CCN2: variants seen among roughly 807,000 people sequenced by gnomAD.
The protein encoded by CCN2 is cellular communication network factor 2.
Under a neutral mutation model 33.2 loss-of-function variants are expected in CCN2, and 22 were observed. The ratio of observed to expected loss-of-function variants is 0.66; its 90% CI spans 0.47 to 0.95. The LOEUF (loss-of-function observed/expected upper bound fraction) is 0.95, where lower values mean the gene tolerates loss of function less well. Ranked by LOEUF, CCN2 falls within the 40% of genes least tolerant of loss-of-function variation. The probability of loss-of-function intolerance (pLI) is 0.00; values close to 1 mark genes in which losing one functional copy is unlikely to be tolerated. For missense variants in CCN2, 469 were observed against 498.8 expected (o/e 0.94, Z 0.57); for synonymous variants, 178 against 200.6 (o/e 0.89, Z 0.95).
chr6:131,949,915 T>C (rs1473869057), intron 4 of CCN2, 34 bp downstream of exon 4: 1 of 1,601,500 alleles, frequency 6.2e-7, no homozygotes, highest in South Asian at 1.1e-5. Context: ...CTGTTTTTCC[T>C]GTGAAAAATA....
At chr6:131,949,589 A>T in intron 4 of CCN2, 29 bp from the exon 5 acceptor site, 99 of 229,284 alleles carry the variant, frequency 4.3e-4, no homozygotes, top group East Asian at 1.7e-3. Flanking sequence ...AAGAGAGAGG[A>T]AAAAAAAAAA....
Position 131,950,224 on chromosome 6 carries a change from T to C in CCN2, c.542-64A>G, listed in dbSNP as rs1302815696. The stretch of plus-strand genomic sequence containing the variant: ...TGGATAAGGTATTTCCCCCGTTCGG[T>C]CGGCACAGTTAGGACTCCCTCCCTG... On this transcript the variant is annotated intron_variant, in intron 3 of 4. Transcript: ENST00000367976. The surrounding 1 kb of genome is among the most constrained non-coding windows in gnomAD (Gnocchi z 7.1). The C allele has an allele frequency of 9.3e-6, 15 of 1,610,938 alleles. No individual in the cohort carries two copies. The highest frequency in any genetic ancestry group is 1.6e-4 in the Middle Eastern group (1 of 6,070).
chr6:131,949,051 T>C lies in CCN2; in HGVS notation c.*213A>G. 1 of 584,114 alleles carries C rather than the reference T, an allele frequency of 1.7e-6. No individual in the cohort carries two copies. The highest frequency in any genetic ancestry group is 3.1e-6 in the Non-Finnish European group (1 of 327,386). 36.2% of individuals were successfully genotyped at this position (584,114 alleles called of 1,614,324 possible). A position where few individuals can be genotyped will look rare whatever the true frequency, so the allele number is the denominator to read the frequency against. On this transcript the variant is annotated 3_prime_UTR_variant, in exon 5 of 5. Transcript: ENST00000367976. ...GTGCTGTGTACTAATGTAGTTCCAC[T>C]GTCAAGTCTTAACATTCTTCAAACC...
Position 131,949,278 on chromosome 6 carries a change from C to G in CCN2, c.1036G>C (p.Gly346Arg), listed in dbSNP as rs866211072. ...FESLYYRKMY[G>R]DMA The stretch of plus-strand genomic sequence containing the variant: ...ACTCTCTGGCTTCATGCCATGTCTC[C>G]GTACATCTTCCTGTAGTACAGCGAT... The change falls in exon 5 of 5, where the codon GGA becomes CGA. Residue 346 changes from glycine to arginine, a missense_variant. Transcript: ENST00000367976. 1 of 1,613,816 alleles carries G rather than the reference C, an allele frequency of 6.2e-7. No individual in the cohort carries two copies.
upstream of CCN2, chr6:131,951,372 TG>T: frequency 2.4e-6 from 1 of 420,760 alleles, no homozygotes; most frequent in South Asian, 1.2e-4. Flanking sequence ...AGTTGTTGTG[TG>T]AGTTTGGGGC....
rs1783061741 is a variant in CCN2 at position 131,949,187 on chromosome 6, ATCATTTTTACGGAAAAATGAGATGT to A, written c.*52_*76del. 2 of 1,307,130 alleles carry A rather than the reference ATCATTTTTACGGAAAAATGAGATGT, an allele frequency of 1.5e-6. No individual in the cohort carries two copies. Among genetic ancestry groups the A allele is most frequent in the Non-Finnish European group, 1.1e-6 (1 of 917,414 alleles). The allele number at this position is 1,307,130 out of a possible 1,614,324, so 81.0% of individuals were successfully genotyped here. Reference sequence around the variant, plus strand: ...GATTTAAATAACTTGTGCTACTGAAATCATTTTTACGGAAAAATGAGATGTGAATCAGTTCAAGTTCCAGTCTAAT... The same window carrying A: ...GATTTAAATAACTTGTGCTACTGAAAGAATCAGTTCAAGTTCCAGTCTAAT... On this transcript the variant is annotated 3_prime_UTR_variant, in exon 5 of 5. Coordinates refer to ENST00000367976, the MANE Select transcript of CCN2 (RefSeq NM_001901.4).
rs1783094703 is a variant in CCN2, at chr6:131,950,771, G to C, written c.288C>G (p.Thr96=). ...SPANRKIGVC[T]AKDGAPCIFG... ...AGCGGTGGGGGCTGCGGGTCTTACC[G>C]GTGCACACGCCGATCTTGCGGTTGG... Residue 96 remains threonine (T), a splice_region_variant and synonymous_variant, in exon 2 of 5, where the codon ACC becomes ACG. Coordinates refer to ENST00000367976, the MANE Select transcript of CCN2 (RefSeq NM_001901.4). The surrounding 1 kb of genome is among the most constrained non-coding windows in gnomAD (Gnocchi z 7.1). 4.5e-6 allele frequency: 7 copies of C among 1,541,692 alleles called. No homozygotes were observed. Among genetic ancestry groups the C allele is most frequent in the East Asian group, 2.4e-5 (1 of 41,750 alleles).
Position 131,951,322 on chromosome 6 carries a change from A to C in CCN2, c.-150T>G, listed in dbSNP as rs896719539. 2.9e-5 allele frequency: 17 copies of C among 578,290 alleles called. No individual in the cohort carries two copies. The highest frequency in any genetic ancestry group is 5.9e-5 in the African/African-American group (3 of 50,820). 35.8% of individuals were successfully genotyped at this position (578,290 alleles called of 1,614,324 possible). ...GCCGGGGCGGCTGCCGTCGAGCTGG[A>C]GGGTGGAGTCGCACTGGCTGTCTCC... On this transcript the variant is annotated 5_prime_UTR_variant, in exon 1 of 5. Transcript: ENST00000367976.
Position 131,949,244 on chromosome 6 carries a change from A to G in CCN2, c.*20T>C. On this transcript the variant is annotated 3_prime_UTR_variant, in exon 5 of 5. Coordinates refer to ENST00000367976, the MANE Select transcript of CCN2 (RefSeq NM_001901.4). ...GTTCAAGTTCCAGTCTAATGAGTTA[A>G]TGTCTCTCACTCTCTGGCTTCATGC... 6.2e-7 allele frequency: 1 copy of G among 1,601,856 alleles called. No individual in the cohort carries two copies. Among genetic ancestry groups the G allele is most frequent in the Non-Finnish European group, 8.6e-7 (1 of 1,169,522 alleles).
rs751421111 is a variant in CCN2, at chr6:131,950,035, T to G, written c.667A>C (p.Asn223His). 2 of 1,614,180 alleles carry G rather than the reference T, an allele frequency of 1.2e-6. No homozygotes were observed. The highest frequency in any genetic ancestry group is 1.7e-6 in the Non-Finnish European group (2 of 1,180,032). ...CGMGISTRVT[N>H]DNASCRLEKQ... is the part of the protein sequence containing the mutation. ...TCTAGCCTGCAGGAGGCGTTGTCAT[T>G]GGTAACCCGGGTGGAGATGCCCATC... Residue 223 changes from asparagine to histidine, a missense_variant, in exon 4 of 5, where the codon AAT (asparagine) becomes CAT (histidine). Physicochemically the swap from Asn to His is moderately conservative, Grantham distance 68. Coordinates refer to ENST00000367976, the MANE Select transcript of CCN2 (RefSeq NM_001901.4). The surrounding 1 kb of genome is among the most constrained non-coding windows in gnomAD (Gnocchi z 7.1).
chr6:131,949,271 A>T lies in CCN2; in HGVS notation c.1043T>A (p.Met348Lys), dbSNP rs1250224072. The T allele has an allele frequency of 6.2e-7, 1 of 1,613,244 alleles. No homozygotes were observed. Among genetic ancestry groups the T allele is most frequent in the Non-Finnish European group, 8.5e-7 (1 of 1,179,268 alleles). ...SLYYRKMYGD[M>K]A ...GTCTCTCACTCTCTGGCTTCATGCC[A>T]TGTCTCCGTACATCTTCCTGTAGTA... The change falls in exon 5 of 5, where the codon ATG (methionine) becomes AAG (lysine). Residue 348 changes from methionine (M) to lysine (K), a missense_variant. Met to Lys is a moderately conservative substitution (Grantham distance 95, BLOSUM62 -1). Coordinates refer to ENST00000367976, the MANE Select transcript of CCN2 (RefSeq NM_001901.4).
Position 131,951,196 on chromosome 6 carries a change from AG to A in CCN2, c.-25del. On this transcript the variant is annotated 5_prime_UTR_variant, in exon 1 of 5. Transcript: ENST00000367976. ...ATGGTTGGCACTGCGGGCGGAGCGG[AG>A]GGCGCGGTGGCGGCGAGCGGGGAGC... The A allele has an allele frequency of 7.7e-7, 1 of 1,292,760 alleles. No homozygotes were observed. 80.1% of individuals were successfully genotyped at this position (1,292,760 alleles called of 1,614,324 possible).
chr6:131,950,088 T>C lies in CCN2; in HGVS notation c.614A>G (p.Glu205Gly), dbSNP rs1458375028. The change falls in exon 4 of 5, where the codon GAG becomes GGG. Residue 205 changes from glutamate to glycine, a missense_variant. Coordinates refer to ENST00000367976, the MANE Select transcript of CCN2 (RefSeq NM_001901.4). The surrounding 1 kb of genome is among the most constrained non-coding windows in gnomAD (Gnocchi z 7.1). ...IRANCLVQTT[E>G]WSACSKTCGM... is the part of the protein sequence containing the mutation. ...ACAGGTCTTGGAACAGGCGCTCCAC[T>C]CTGTGGTCTGGACCAGGCAGTTGGC... 6.2e-7 allele frequency: 1 copy of C among 1,614,236 alleles called. No individual in the cohort carries two copies. The highest frequency in any genetic ancestry group is 2.2e-5 in the East Asian group (1 of 44,888).
At chr6:131,949,659 T>C in intron 4 of CCN2, 99 bp from the exon 5 acceptor site, 1 of 1,160,420 alleles carries the variant, frequency 8.6e-7, no homozygotes, top group East Asian at 2.3e-5. Flanking sequence ...TCTTCTGTTG[T>C]CTGACTTCTG....
Position 131,949,134 on chromosome 6 carries a change from G to C in CCN2, c.*130C>G. Reference sequence around the variant, plus strand: ...ATGGCACAATGTTTTGAATTGGGTGGGAATCTTTTCCCCCAGTTAGAAAAA... The same window carrying C: ...ATGGCACAATGTTTTGAATTGGGTGCGAATCTTTTCCCCCAGTTAGAAAAA... On this transcript the variant is annotated 3_prime_UTR_variant, in exon 5 of 5. Coordinates refer to ENST00000367976, the MANE Select transcript of CCN2 (RefSeq NM_001901.4). 1 of 800,320 alleles carries C rather than the reference G, an allele frequency of 1.2e-6. No individual in the cohort carries two copies. Among genetic ancestry groups the C allele is most frequent in the Non-Finnish European group, 2.0e-6 (1 of 495,150 alleles). 49.6% of individuals were successfully genotyped at this position (800,320 alleles called of 1,614,324 possible). A position where few individuals can be genotyped will look rare whatever the true frequency, so the allele number is the denominator to read the frequency against.
rs369338147 is a variant in CCN2, at chr6:131,950,024, G to A, written c.678C>T (p.Ala226=). 1.2e-6 allele frequency: 2 copies of A among 1,614,120 alleles called. No individual in the cohort carries two copies. Among genetic ancestry groups the A allele is most frequent in the African/African-American group, 1.3e-5 (1 of 74,936 alleles). The change falls in exon 4 of 5, where the codon GCC becomes GCT. Residue 226 remains alanine, a synonymous_variant. Transcript: ENST00000367976. The surrounding 1 kb of genome is among the most constrained non-coding windows in gnomAD (Gnocchi z 7.1). ...GISTRVTNDN[A]SCRLEKQSRL... ...GGCTCTGCTTCTCTAGCCTGCAGGA[G>A]GCGTTGTCATTGGTAACCCGGGTGG...
Position 131,950,018 on chromosome 6 carries a change from G to T in CCN2, c.684C>A (p.Cys228Ter). 1 of 1,614,220 alleles carries T rather than the reference G, an allele frequency of 6.2e-7. No individual in the cohort carries two copies. Among genetic ancestry groups the T allele is most frequent in the Non-Finnish European group, 8.5e-7 (1 of 1,180,034 alleles). ...STRVTNDNASCRLEKQSRLCM... is the reference protein window; with the variant it reads ...STRVTNDNAS ...ACAGGCGGCTCTGCTTCTCTAGCCTGCAGGAGGCGTTGTCATTGGTAACCC... is the reference window on the plus strand; with the variant it reads ...ACAGGCGGCTCTGCTTCTCTAGCCTTCAGGAGGCGTTGTCATTGGTAACCC... Residue 228 changes from cysteine to a stop codon, truncating the protein, a stop_gained, in exon 4 of 5, where the codon TGC (cysteine) becomes TGA (stop). Transcript: ENST00000367976. LOFTEE classifies it high-confidence loss of function. The surrounding 1 kb of genome is among the most constrained non-coding windows in gnomAD (Gnocchi z 7.1).
chr6:131,950,354 C>T lies in CCN2; in HGVS notation c.479G>A (p.Cys160Tyr), dbSNP rs1367648684. 6.2e-7 allele frequency: 1 copy of T among 1,614,172 alleles called. No individual in the cohort carries two copies. The highest frequency in any genetic ancestry group is 1.3e-5 in the African/African-American group (1 of 75,068). ...CTCGTCACACACCCACTCCTCGCAG[C>T]ATTTCCCGGGCAGCTTGACCCTCCT... The part of the protein sequence containing the change: ...FPRRVKLPGK[C>Y]CEEWVCDEPK... The change falls in exon 3 of 5, where the codon TGC becomes TAC. Residue 160 changes from cysteine (C) to tyrosine (Y), a missense_variant. Physicochemically the swap from Cys to Tyr is radical, Grantham distance 194. Transcript: ENST00000367976. This position sits in a 1 kb window ranked among gnomAD's most constrained non-coding sequence, Gnocchi z 7.1.
Position 131,950,741 on chromosome 6 carries a change from C to A in CCN2, c.289+29G>T. 1 of 1,516,420 alleles carries A rather than the reference C, an allele frequency of 6.6e-7. No individual in the cohort carries two copies. Among genetic ancestry groups the A allele is most frequent in the Non-Finnish European group, 8.8e-7 (1 of 1,134,784 alleles). The allele number at this position is 1,516,420 out of a possible 1,614,324, so 93.9% of individuals were successfully genotyped here. On this transcript the variant is annotated intron_variant, in intron 2 of 4. Transcript: ENST00000367976. The surrounding 1 kb of genome is among the most constrained non-coding windows in gnomAD (Gnocchi z 7.1). Reference sequence around the variant, plus strand: ...GGGCGTGAGGGAGGAGGCGGCCGGACACCTAGCGGTGGGGGCTGCGGGTCT... The same window carrying A: ...GGGCGTGAGGGAGGAGGCGGCCGGAAACCTAGCGGTGGGGGCTGCGGGTCT...
Sources: gnomAD v4.1 joint callset for allele counts on GRCh38, gnomAD v4.1.1 for gene constraint, Gnocchi (gnomAD v3.1) non-coding constraint, MANE v1.5 for transcripts, NCBI Gene and HGNC (gene_info 2026-07-23, HGNC 2026-07-21) for gene names.